Variants in ZNF627 observed in about 807,000 individuals in gnomAD.
The protein encoded by ZNF627 is zinc finger protein 627.
A neutral mutation model predicts 10.6 loss-of-function variants in ZNF627; 12 were observed. The observed-to-expected ratio is 1.13, with a 90% CI of 0.73 to 1.84. The LOEUF (loss-of-function observed/expected upper bound fraction) is 1.84, where lower values mean the gene tolerates loss of function less well. Among genes scored for constraint, ZNF627 ranks in the 40% most tolerant of loss-of-function variants. ZNF627 has a pLI of 0.00. For missense variants in ZNF627, 504 were observed against 568.4 expected (o/e 0.89, Z 1.15); for synonymous variants, 176 against 187.1 (o/e 0.94, Z 0.48).
Position 11,617,796 on chromosome 19 carries a change from CACTT to C in ZNF627, c.1298_1301del (p.Tyr433PhefsTer101), listed in dbSNP as rs774417326. 3.1e-6 allele frequency: 5 copies of C among 1,612,090 alleles called. No homozygotes were observed. Among genetic ancestry groups the C allele is most frequent in the Middle Eastern group, 3.3e-4 (2 of 6,046 alleles). ...AATGTGGGAAAGCCTTCAGTCGATC[CACTT>C]ACTTTCGAGTACATGAAAAAATTCA... On this transcript the variant is annotated frameshift_variant, in exon 4 of 4. Transcript: ENST00000361113. LOFTEE classifies it low-confidence loss of function (END_TRUNC).
At chr19:11,599,961 G>A (rs538497002) in intron 1 of ZNF627, among the ~76,000 whole-genome samples, 5 of 152,188 alleles carry the variant, frequency 3.3e-5, no homozygotes, top group African/African-American at 1.2e-4. Context: ...GGTTAGCGCA[G>A]CCCCTTCCTG....
chr19:11,614,803 G>A (rs2145138769), intron 2 of ZNF627, 24 bp from the exon 3 acceptor site: 1 of 1,596,426 alleles, frequency 6.3e-7, no homozygotes, highest in Non-Finnish European at 8.5e-7. Flanking sequence ...AATTCATAAT[G>A]ACTTTTCTGG....
intron 1 of ZNF627, among the ~76,000 whole-genome samples, chr19:11,606,018 T>C (rs1263689): frequency 1.3e-4 from 19 of 151,946 alleles, no homozygotes; most frequent in Admixed American, 3.9e-4. Flanking sequence ...CCAAATCCAG[T>C]AGGGCAGTAA....
chr19:11,598,372 AT>A (rs896045742), intron 1 of ZNF627, among the ~76,000 whole-genome samples: 3 of 152,062 alleles, frequency 2.0e-5, no homozygotes, highest in African/African-American at 4.8e-5. Context: ...ATCTCTGTTA[AT>A]TTTTTTTAAA....
intron 2 of ZNF627, 70 bp from the exon 3 acceptor site, chr19:11,614,757 A>T: frequency 6.3e-7 from 1 of 1,595,810 alleles, no homozygotes; most frequent in South Asian, 1.1e-5. Context: ...GGAATTATGA[A>T]TATAGAATCT....
intron 1 of ZNF627, 73 bp downstream of exon 1, chr19:11,597,703 AG>A: frequency 7.6e-7 from 1 of 1,314,782 alleles, no homozygotes; most frequent in South Asian, 2.8e-5. Context: ...CCGGCTGTGG[AG>A]GGACCTAGGC....
chr19:11,612,222 G>A (rs1029546627), intron 1 of ZNF627, among the ~76,000 whole-genome samples: 13 of 145,910 alleles, frequency 8.9e-5, no homozygotes, highest in East Asian at 6.2e-4. Flanking sequence ...CCGGGTTCAC[G>A]CCATTCTCTT....
At chr19:11,603,798 G>A (rs978159222) in intron 1 of ZNF627, among the ~76,000 whole-genome samples, 2 of 151,710 alleles carry the variant, frequency 1.3e-5, no homozygotes, top group African/African-American at 2.4e-5. Context: ...ACAGGTGATT[G>A]TTTTCCCCTA....
chr19:11,603,064 T>G (rs552079100), intron 1 of ZNF627, among the ~76,000 whole-genome samples: 35 of 152,332 alleles, frequency 2.3e-4, no homozygotes, highest in Non-Finnish European at 4.6e-4. Context: ...CTCTTCCTCT[T>G]TTGAATTTTT....
intron 1 of ZNF627, among the ~76,000 whole-genome samples, chr19:11,601,429 T>A (rs1220329864): frequency 6.6e-6 from 1 of 152,128 alleles, no homozygotes; most frequent in Non-Finnish European, 1.5e-5. Context: ...AGCCTTGATC[T>A]CCTGGGCTCA....
chr19:11,606,712 C>T (rs1292146674), intron 1 of ZNF627, among the ~76,000 whole-genome samples: 1 of 152,262 alleles, frequency 6.6e-6, no homozygotes, highest in Non-Finnish European at 1.5e-5. Context: ...ACACCTCTGC[C>T]TGGACACCCA....
At position 11,614,652 on chromosome 19, in the gene ZNF627, A is replaced by T; in HGVS notation, c.129A>T (p.Val43=). Residue 43 remains valine, a splice_region_variant and synonymous_variant, in exon 2 of 4, where the codon GTA becomes GTT. Transcript: ENST00000361113. ...MRETFRNLAS[V]GKQWEDQNIE... is the part of the protein sequence containing the mutation. ...AAACCTTCAGGAACCTGGCTTCTGT[A>T]GGTAAGGGTGACAATATTCCTTTCC... The T allele has an allele frequency of 1.2e-6, 2 of 1,613,856 alleles. No individual in the cohort carries two copies. The highest frequency in any genetic ancestry group is 1.7e-6 in the Non-Finnish European group (2 of 1,179,958).
intron 1 of ZNF627, among the ~76,000 whole-genome samples, chr19:11,605,889 T>C (rs35864321): frequency 0.077 from 11,731 of 152,272 alleles, 552 homozygotes; most frequent in Middle Eastern, 0.11. Context: ...CTTCTGCCTA[T>C]GAGCCTGTAA....
intron 1 of ZNF627, 59 bp from the exon 2 acceptor site, chr19:11,614,468 C>G: frequency 6.2e-7 from 1 of 1,606,536 alleles, no homozygotes; most frequent in Non-Finnish European, 8.5e-7. Flanking sequence ...GGAATAAAGT[C>G]TAGGCCCCCA....
chr19:11,606,522 G>A (rs1371915032), intron 1 of ZNF627, among the ~76,000 whole-genome samples: 14 of 152,260 alleles, frequency 9.2e-5, no homozygotes, highest in South Asian at 6.2e-4. Context: ...TTCCAGGTGC[G>A]TGGTGCAAAC....
chr19:11,614,023 G>A (rs1187024010), intron 1 of ZNF627, among the ~76,000 whole-genome samples: 1 of 148,168 alleles, frequency 6.7e-6, no homozygotes, highest in African/African-American at 2.5e-5. Context: ...CTGGGTTCAC[G>A]CCATTCTTCT....
At chr19:11,613,431 G>T (rs921938862) in intron 1 of ZNF627, among the ~76,000 whole-genome samples, 3 of 151,460 alleles carry the variant, frequency 2.0e-5, no homozygotes, top group African/African-American at 7.3e-5. Flanking sequence ...AACTGATGAA[G>T]TTTCTGGAGG....
At chr19:11,597,722 C>A in intron 1 of ZNF627, 92 bp downstream of exon 1, 3 of 1,256,462 alleles carry the variant, frequency 2.4e-6, no homozygotes, top group Non-Finnish European at 3.1e-6. Flanking sequence ...GGCCTCCCTG[C>A]GGCGACTCCG....
At chr19:11,610,682 G>T (rs1050964622) in intron 1 of ZNF627, among the ~76,000 whole-genome samples, 3 of 152,116 alleles carry the variant, frequency 2.0e-5, no homozygotes, top group Non-Finnish European at 4.4e-5. Flanking sequence ...CTCCTGGTTT[G>T]CAGTCCTCAG....
Sources: allele counts gnomAD v4.1 joint callset (sites outside exome capture counted in the v4.1 genomes callset), GRCh38; gene constraint gnomAD v4.1.1; transcripts MANE v1.5; gene names NCBI Gene and HGNC (gene_info 2026-07-23, HGNC 2026-07-21).